RNF13: variants seen among roughly 807,000 people sequenced by gnomAD.
RNF13 encodes the protein ring finger protein 13.
Under a neutral mutation model 37.7 loss-of-function variants are expected in RNF13, and 19 were observed. The observed-to-expected ratio is 0.50, with a 90% CI of 0.35 to 0.74. The LOEUF (loss-of-function observed/expected upper bound fraction) is 0.74, where lower values mean the gene tolerates loss of function less well. Among genes scored for constraint, RNF13 ranks in the 30% least tolerant of loss-of-function variants. The pLI, the probability that RNF13 is intolerant of heterozygous loss-of-function variation, is 0.01. For synonymous variants in RNF13, 144 were observed against 157.8 expected, an observed-to-expected ratio of 0.91 and a Z score of 0.65; for missense variants, 375 against 453.0, an observed-to-expected ratio of 0.83 and a Z score of 1.56.
intron 6 of RNF13, among the ~76,000 whole-genome samples, chr3:149,903,071 A>T (rs1716013691): frequency 6.6e-6 from 1 of 152,132 alleles, no homozygotes; most frequent in Non-Finnish European, 1.5e-5. Context: ...AAATGCATAA[A>T]AAGAAGAGGG....
intron 8 of RNF13, among the ~76,000 whole-genome samples, chr3:149,949,746 T>C (rs1721131940): frequency 6.6e-6 from 1 of 151,036 alleles, no homozygotes; most frequent in African/African-American, 2.4e-5. Context: ...TTTTTTCTTC[T>C]CTTCATTTCT....
chr3:149,868,117 T>C (rs1576792082), intron 3 of RNF13, among the ~76,000 whole-genome samples: 2 of 151,992 alleles, frequency 1.3e-5, no homozygotes, highest in East Asian at 3.9e-4. Flanking sequence ...TCACATATTT[T>C]TATATTACCT....
intron 4 of RNF13, among the ~76,000 whole-genome samples, chr3:149,876,417 G>A (rs1329322929): frequency 2.0e-5 from 3 of 152,176 alleles, no homozygotes; most frequent in Non-Finnish European, 1.5e-5. Flanking sequence ...TTGGATTGTA[G>A]ATGATAAGGA....
chr3:149,955,319 C>T (rs1035880311), intron 8 of RNF13, among the ~76,000 whole-genome samples: 1 of 151,652 alleles, frequency 6.6e-6, no homozygotes, highest in African/African-American at 2.4e-5. Flanking sequence ...CTATTAAAGA[C>T]TTCTTTTTTT....
intron 3 of RNF13, among the ~76,000 whole-genome samples, chr3:149,866,582 T>A (rs926554804): frequency 6.6e-6 from 1 of 152,224 alleles, no homozygotes; most frequent in Non-Finnish European, 1.5e-5. Flanking sequence ...TTTAACCATC[T>A]GGGAGTGCAG....
intron 4 of RNF13, among the ~76,000 whole-genome samples, chr3:149,890,184 G>T (rs1042477783): frequency 2.0e-5 from 3 of 152,124 alleles, no homozygotes; most frequent in Non-Finnish European, 4.4e-5. Context: ...ATTCTTTCAC[G>T]TCATTGCTGT....
At chr3:149,812,998 C>T, upstream of RNF13, 1 of 152,646 alleles carries the variant, frequency 6.6e-6, no homozygotes, top group Non-Finnish European at 1.5e-5. Flanking sequence ...GTTCCGCAGA[C>T]GCCTGCCCCA....
chr3:149,832,539 C>T (rs1721164004), intron 1 of RNF13, among the ~76,000 whole-genome samples: 1 of 152,010 alleles, frequency 6.6e-6, no homozygotes, highest in Non-Finnish European at 1.5e-5. Context: ...TCATGTGTAC[C>T]AGCCAGTTTG....
At chr3:149,954,395 A>G (rs1053011376) in intron 8 of RNF13, among the ~76,000 whole-genome samples, 2 of 152,108 alleles carry the variant, frequency 1.3e-5, no homozygotes, top group African/African-American at 4.8e-5. Flanking sequence ...CATTTGTATT[A>G]CCACCCTTAC....
chr3:149,939,853 T>C, intron 8 of RNF13: 1 of 486,848 alleles, frequency 2.1e-6, no homozygotes, highest in Non-Finnish European at 3.9e-6. Context: ...AAACGACTGC[T>C]GCTCCAGAGA....
rs147972147 is a variant in RNF13 at position 149,857,042 on chromosome 3, C to T, written c.195+4446C>T. The stretch of plus-strand genomic sequence containing the variant: ...GGATACAGGCGTGAGCCACCATGCC[C>T]GGCCCAAAATATCTTACTTTTAAAC... On this transcript the variant is annotated intron_variant, in intron 3 of 9. Coordinates refer to ENST00000392894, the MANE Select transcript of RNF13 (RefSeq NM_183381.3). Among the ~76,000 whole-genome samples, 43 of 152,298 alleles carry T rather than the reference C, an allele frequency of 2.8e-4. 1 individual carries two copies. In the East Asian group the frequency reaches 7.3e-3, roughly 26 times the overall value.
At chr3:149,937,582 AACAT>A (rs1719829965) in intron 8 of RNF13, among the ~76,000 whole-genome samples, 1 of 152,162 alleles carries the variant, frequency 6.6e-6, no homozygotes, top group Non-Finnish European at 1.5e-5. Flanking sequence ...CCATTTTGGT[AACAT>A]CACTGCATTT....
intron 2 of RNF13, among the ~76,000 whole-genome samples, chr3:149,851,951 T>G (rs1373352501): frequency 6.6e-6 from 1 of 152,198 alleles, no homozygotes; most frequent in Admixed American, 6.5e-5. Flanking sequence ...GGGGGAAAAT[T>G]GTTAAAGAGT....
chr3:149,845,323 A>G (rs1004645016), intron 1 of RNF13, among the ~76,000 whole-genome samples: 20 of 152,286 alleles, frequency 1.3e-4, no homozygotes, highest in South Asian at 8.3e-4. Flanking sequence ...AGGCTTACCA[A>G]TGATAATTTT....
At chr3:149,855,495 ATATG>A (rs1253933694) in intron 3 of RNF13, among the ~76,000 whole-genome samples, 7 of 151,294 alleles carry the variant, frequency 4.6e-5, no homozygotes. Flanking sequence ...AAATACATAT[ATATG>A]TATTTTTACA....
At chr3:149,909,425 G>A (rs974522393) in intron 6 of RNF13, among the ~76,000 whole-genome samples, 3 of 149,558 alleles carry the variant, frequency 2.0e-5, no homozygotes, top group East Asian at 4.0e-4. Context: ...ACAGGTGCTG[G>A]CCACCATGCC....
intron 3 of RNF13, among the ~76,000 whole-genome samples, chr3:149,862,649 A>T (rs1285182690): frequency 1.5e-4 from 23 of 152,190 alleles, no homozygotes; most frequent in African/African-American, 5.3e-4. Flanking sequence ...TTTTATGAAT[A>T]TGCCACAATT....
At chr3:149,946,227 C>T (rs775451981) in intron 8 of RNF13, among the ~76,000 whole-genome samples, 2 of 152,196 alleles carry the variant, frequency 1.3e-5, no homozygotes, top group South Asian at 2.1e-4. Flanking sequence ...CTTAAATGAC[C>T]TGATGGAGCT....
intron 3 of RNF13, among the ~76,000 whole-genome samples, chr3:149,859,760 A>T (rs1274693157): frequency 6.6e-6 from 1 of 152,240 alleles, no homozygotes; most frequent in Non-Finnish European, 1.5e-5. Context: ...AATATGGCTC[A>T]TGGAGTAGAA....
Sources: allele counts gnomAD v4.1 joint callset (sites outside exome capture counted in the v4.1 genomes callset), GRCh38; gene constraint gnomAD v4.1.1; transcripts MANE v1.5; gene names NCBI Gene and HGNC (gene_info 2026-07-23, HGNC 2026-07-21).